Variants in RNF144A observed in about 807,000 individuals in gnomAD.
The protein encoded by RNF144A is ring finger protein 144A, also known as E3 ubiquitin-protein ligase RNF144A.
Under a neutral mutation model 38.7 loss-of-function variants are expected in RNF144A, and 11 were observed. The observed-to-expected ratio is 0.28, with a 90% CI of 0.18 to 0.47. The LOEUF is 0.47. RNF144A is among the 20% of genes least tolerant of loss of function. The pLI, the probability that RNF144A is intolerant of heterozygous loss-of-function variation, is 0.99. For missense variants in RNF144A, 316 were observed against 377.2 expected (o/e 0.84, Z 1.34); for synonymous variants, 149 against 143.9 (o/e 1.04, Z -0.25).
At chr2:6,992,410 C>A (rs561506927) in intron 2 of RNF144A, among the ~76,000 whole-genome samples, 4 of 152,246 alleles carry the variant, frequency 2.6e-5, no homozygotes, top group African/African-American at 9.6e-5. Context: ...GACCCAGAGA[C>A]GGGAGACAGC....
Position 7,041,702 on chromosome 2 carries a change from G to C in RNF144A, c.*1942G>C. The stretch of plus-strand genomic sequence containing the variant: ...TTAACATGCCCAGCACACATGGGAG[G>C]CCTGTGGCCCTGTGTCCAGTGGCCC... On this transcript the variant is annotated 3_prime_UTR_variant, in exon 9 of 9. Transcript: ENST00000320892. The C allele has an allele frequency of 1.0e-6, 1 of 985,470 alleles. No homozygotes were observed. The highest frequency in any genetic ancestry group is 1.2e-6 in the Non-Finnish European group (1 of 829,978). The allele number at this position is 985,470 out of a possible 1,614,324, so 61.0% of individuals were successfully genotyped here.
intron 2 of RNF144A, among the ~76,000 whole-genome samples, chr2:6,994,434 G>T (rs1669590543): frequency 6.6e-6 from 1 of 152,102 alleles, no homozygotes; most frequent in Non-Finnish European, 1.5e-5. Context: ...AAGATACAGA[G>T]AAATCAAAAG....
chr2:7,045,564 C>G (rs895834033), downstream of RNF144A, among the ~76,000 whole-genome samples: 4 of 152,192 alleles, frequency 2.6e-5, no homozygotes, highest in African/African-American at 9.6e-5. Flanking sequence ...GCTCCTTCAT[C>G]TAAGGGCAAA....
intron 6 of RNF144A, among the ~76,000 whole-genome samples, chr2:7,058,322 A>AG (rs1346648960): frequency 6.8e-6 from 1 of 148,036 alleles, no homozygotes; most frequent in Non-Finnish European, 1.5e-5. Flanking sequence ...AACCACAGGA[A>AG]GTGTATGGGG....
intron 3 of RNF144A, 116 bp from the exon 4 acceptor site, chr2:7,014,338 T>A: frequency 1.3e-6 from 1 of 765,200 alleles, no homozygotes; most frequent in Non-Finnish European, 2.3e-6. Flanking sequence ...GACTACACAG[T>A]GAAAATATTA....
intron 2 of RNF144A, among the ~76,000 whole-genome samples, chr2:6,959,133 A>ACAGCACTGGGGGTGAGG (rs1667181626): frequency 6.6e-6 from 1 of 152,170 alleles, no homozygotes; most frequent in Non-Finnish European, 1.5e-5. Flanking sequence ...TGGCCAAGTC[A>ACAGCACTGGGGGTGAGG]CAGCACTGGG....
intron 2 of RNF144A, among the ~76,000 whole-genome samples, chr2:6,990,228 G>C (rs1029819594): frequency 6.6e-6 from 1 of 152,006 alleles, no homozygotes; most frequent in Non-Finnish European, 1.5e-5. Flanking sequence ...GCTTACAGAG[G>C]CTGCCTTCTT....
At chr2:7,011,584 G>A (rs1444860864) in intron 3 of RNF144A, among the ~76,000 whole-genome samples, 7 of 152,164 alleles carry the variant, frequency 4.6e-5, no homozygotes, top group Non-Finnish European at 8.8e-5. Flanking sequence ...GCTAACATAG[G>A]TAATGCAATT....
chr2:7,076,147 C>T, the RNF144A span, among the ~76,000 whole-genome samples: 1 of 152,164 alleles, frequency 6.6e-6, no homozygotes, highest in Non-Finnish European at 1.5e-5. Context: ...ACTCCAAGCC[C>T]TTTCCCTAGG....
rs1670371530 is a variant in RNF144A at position 7,005,382 on chromosome 2, G to A, written c.135+8321G>A. On this transcript the variant is annotated intron_variant, in intron 3 of 8. Transcript: ENST00000320892. Reference sequence around the variant, plus strand: ...TGGGGTCTGAGAGGTTCAGAGATGCGTGAATCCAGCCATCAGAGTTGCCTC... The same window carrying A: ...TGGGGTCTGAGAGGTTCAGAGATGCATGAATCCAGCCATCAGAGTTGCCTC... Among the ~76,000 whole-genome samples the A allele has an allele frequency of 2.0e-5, 3 of 152,166 alleles. No homozygotes were observed. The South Asian group carries it at 6.2e-4, about 32-fold the overall frequency.
chr2:6,922,871 G>A (rs1664630654), intron 1 of RNF144A, among the ~76,000 whole-genome samples: 1 of 151,024 alleles, frequency 6.6e-6, no homozygotes, highest in Non-Finnish European at 1.5e-5. Flanking sequence ...TGATCCGCCC[G>A]CCTCGGCCTC....
intron 6 of RNF144A, chr2:7,062,955 T>G (rs1425141183): frequency 6.6e-6 from 1 of 152,190 alleles, no homozygotes; most frequent in African/African-American, 2.4e-5. Flanking sequence ...ACAATAAAAA[T>G]TTATTAGAAA....
chr2:6,993,286 C>A (rs1669513189), intron 2 of RNF144A, among the ~76,000 whole-genome samples: 1 of 152,118 alleles, frequency 6.6e-6, no homozygotes, highest in Admixed American at 6.5e-5. Flanking sequence ...GCTCATGGGG[C>A]TGGCGGGGGA....
At chr2:7,025,627 G>T (rs931874015) in intron 7 of RNF144A, among the ~76,000 whole-genome samples, 1 of 151,996 alleles carries the variant, frequency 6.6e-6, no homozygotes, top group Non-Finnish European at 1.5e-5. Context: ...AGCTGAGATG[G>T]CACCACTGCA....
rs1313167398 is a variant in RNF144A at position 7,020,602 on chromosome 2, C to A, written c.431C>A (p.Ser144Tyr). The change falls in exon 6 of 9, where the codon TCC becomes TAC. Residue 144 changes from serine to tyrosine, a missense_variant. Ser to Tyr is a moderately radical substitution (Grantham distance 144). Transcript: ENST00000320892. ...AAAGCCTGCCGTATGGAATTCTGCTCCACCTGCAAAGCCAGCTGGCACCCT... is the reference window on the plus strand; with the variant it reads ...AAAGCCTGCCGTATGGAATTCTGCTACACCTGCAAAGCCAGCTGGCACCCT... Reference protein sequence around the residue: ...QCKACRMEFCSTCKASWHPGQ... With the variant: ...QCKACRMEFCYTCKASWHPGQ... 1 of 1,611,596 alleles carries A rather than the reference C, an allele frequency of 6.2e-7. No individual in the cohort carries two copies. Among genetic ancestry groups the A allele is most frequent in the Non-Finnish European group, 8.5e-7 (1 of 1,180,004 alleles).
rs528321977 is a variant in RNF144A at position 6,941,792 on chromosome 2, C to T, written c.-12+645C>T. ...GGAGGCGCAGTAACTAGCCACTTAG[C>T]ATCTGGGCAAGAGCGCTGTAGACAG... On this transcript the variant is annotated intron_variant, in intron 2 of 8. Transcript: ENST00000320892. The surrounding 1 kb of genome is among the most constrained non-coding windows in gnomAD (Gnocchi z 6.5). Among the ~76,000 whole-genome samples, 80 of 152,366 alleles carry T rather than the reference C, an allele frequency of 5.3e-4. No individual in the cohort carries two copies. The highest frequency in any genetic ancestry group is 1.0e-3 in the Non-Finnish European group (70 of 68,038).
intron 5 of RNF144A, among the ~76,000 whole-genome samples, chr2:7,018,237 C>T (rs1225826429): frequency 6.6e-6 from 1 of 152,226 alleles, no homozygotes; most frequent in East Asian, 1.9e-4. Flanking sequence ...GATCTAGCCT[C>T]AGAGCTATAT....
At chr2:6,931,838 G>A (rs1372389425) in intron 1 of RNF144A, among the ~76,000 whole-genome samples, 1 of 152,268 alleles carries the variant, frequency 6.6e-6, no homozygotes, top group Admixed American at 6.5e-5. Flanking sequence ...TTACATTTAA[G>A]TTGTGTTTTG....
At chr2:6,939,188 T>G (rs932400216) in intron 1 of RNF144A, among the ~76,000 whole-genome samples, 25 of 152,240 alleles carry the variant, frequency 1.6e-4, no homozygotes, top group African/African-American at 5.8e-4. Flanking sequence ...TGCACCACTT[T>G]ACATTCTCCC....
Sources: allele counts gnomAD v4.1 joint callset (sites outside exome capture counted in the v4.1 genomes callset), GRCh38; gene constraint gnomAD v4.1.1; non-coding constraint Gnocchi (gnomAD v3.1); transcripts MANE v1.5; gene names NCBI Gene and HGNC (gene_info 2026-07-23, HGNC 2026-07-21).